Variants in PCDHA11 observed in about 807,000 individuals in gnomAD.
The protein encoded by PCDHA11 is protocadherin alpha 11, also known as protocadherin alpha-11.
In PCDHA11, 61 loss-of-function variants were observed where a neutral mutation model predicts 70.3. That is an observed-to-expected ratio of 0.87 (90% CI 0.71 to 1.07). PCDHA11 has a LOEUF of 1.07. PCDHA11 is among the 50% of genes least tolerant of loss of function. PCDHA11 has a pLI of 0.00. For missense variants in PCDHA11, 1,324 were observed against 1,237.5 expected (o/e 1.07, Z -1.05); for synonymous variants, 633 against 555.1 (o/e 1.14, Z -1.97).
chr5:140,952,813 G>A (rs1162015418), intron 1 of PCDHA11, among the ~76,000 whole-genome samples: 1 of 152,158 alleles, frequency 6.6e-6, no homozygotes, highest in African/African-American at 2.4e-5. Context: ...TCTGCAGGCT[G>A]TACAGGAAGC....
At chr5:140,898,864 A>C (rs1401711928) in intron 1 of PCDHA11, among the ~76,000 whole-genome samples, 3 of 149,656 alleles carry the variant, frequency 2.0e-5, no homozygotes, top group African/African-American at 7.5e-5. Flanking sequence ...CTTTTATTTC[A>C]TTGAGCAGTG....
At chr5:140,972,276 A>G (rs1471308188) in intron 1 of PCDHA11, among the ~76,000 whole-genome samples, 1 of 150,442 alleles carries the variant, frequency 6.6e-6, no homozygotes, top group Non-Finnish European at 1.5e-5. Flanking sequence ...AGTAGCTTGG[A>G]CCATAGATGT....
rs782477275 is a variant in PCDHA11, at chr5:140,870,572, C to T, written c.1469C>T (p.Ser490Phe). ...GACGCGCAGGAGAACGCGCTGGTGT[C>T]CTACTCGCTGGTGGAGCGGCGGTTG... ...DADAQENALV[S>F]YSLVERRLGD... The change falls in exon 1 of 4, where the codon TCC becomes TTC. Residue 490 changes from serine (S) to phenylalanine (F), a missense_variant. By Grantham distance (155) the Ser-to-Phe change is radical (BLOSUM62 -2). Coordinates refer to ENST00000398640, the MANE Select transcript of PCDHA11 (RefSeq NM_018902.5). 1 of 1,613,946 alleles carries T rather than the reference C, an allele frequency of 6.2e-7. No homozygotes were observed. Among genetic ancestry groups the T allele is most frequent in the Non-Finnish European group, 8.5e-7 (1 of 1,179,970 alleles).
intron 1 of PCDHA11, among the ~76,000 whole-genome samples, chr5:140,909,091 C>T: frequency 6.6e-6 from 1 of 152,220 alleles, no homozygotes; most frequent in Non-Finnish European, 1.5e-5. Flanking sequence ...TGCTACTTCT[C>T]ACTCACTGGG....
At chr5:140,875,254 T>A in intron 1 of PCDHA11, 1 of 1,054,680 alleles carries the variant, frequency 9.5e-7, no homozygotes, top group Non-Finnish European at 1.3e-6. Context: ...ATCAGTCACA[T>A]GATGTCGCTC....
chr5:140,985,508 A>G (rs2097155357), intron 3 of PCDHA11, among the ~76,000 whole-genome samples: 1 of 152,160 alleles, frequency 6.6e-6, no homozygotes, highest in Admixed American at 6.5e-5. Context: ...CCTTTCATTG[A>G]TTCTGTTGCC....
intron 3 of PCDHA11, among the ~76,000 whole-genome samples, chr5:141,000,648 G>A (rs559996046): frequency 8.9e-4 from 134 of 150,894 alleles, no homozygotes; most frequent in African/African-American, 2.6e-3. Flanking sequence ...GGCTGGTCTC[G>A]AACTCCTGAC....
intron 3 of PCDHA11, among the ~76,000 whole-genome samples, chr5:140,994,538 A>G (rs1554254218): frequency 1.8e-5 from 2 of 111,930 alleles, no homozygotes; most frequent in African/African-American, 9.1e-5. Context: ...CCCCATCTCT[A>G]CAAAAAAAAT....
intron 1 of PCDHA11, chr5:140,928,138 A>G (rs1554205540): frequency 1.9e-6 from 3 of 1,614,190 alleles, no homozygotes; most frequent in South Asian, 1.1e-5. Context: ...AGTCCTGATC[A>G]CGGCCTCAGA....
At position 140,882,318 on chromosome 5, in the gene PCDHA11, G is replaced by A. The variant is rs534213144; in HGVS notation, c.2391+10824G>A. On this transcript the variant is annotated intron_variant, in intron 1 of 3. Transcript: ENST00000398640. ...CCAAGACCGCGGCAACTACTGCTCT[G>A]GCTTCTGATCCTCGCAGCCTGGGAG... 5 of 1,614,128 alleles carry A rather than the reference G, an allele frequency of 3.1e-6. No individual in the cohort carries two copies. In the African/African-American group the frequency reaches 6.7e-5, roughly 22 times the overall value.
chr5:140,896,406 C>CT (rs35238776), intron 1 of PCDHA11, among the ~76,000 whole-genome samples: 1 of 152,100 alleles, frequency 6.6e-6, no homozygotes, highest in Non-Finnish European at 1.5e-5. Flanking sequence ...TTATTTTTGA[C>CT]TTTTTAGTAA....
chr5:140,924,886 A>G (rs190850675), intron 1 of PCDHA11, among the ~76,000 whole-genome samples: 11 of 137,270 alleles, frequency 8.0e-5, no homozygotes, highest in Admixed American at 3.0e-4. Context: ...CAGAGCAAGA[A>G]CCTGTCTCAA....
At chr5:140,878,516 G>A (rs2057626740) in intron 1 of PCDHA11, among the ~76,000 whole-genome samples, 1 of 152,122 alleles carries the variant, frequency 6.6e-6, no homozygotes. Context: ...CAGTACAGTT[G>A]GTAACCAACT....
Position 140,871,073 on chromosome 5 carries a change from C to A in PCDHA11, c.1970C>A (p.Ala657Glu). The A allele has an allele frequency of 1.2e-6, 2 of 1,613,208 alleles. No individual in the cohort carries two copies. Among genetic ancestry groups the A allele is most frequent in the Non-Finnish European group, 8.5e-7 (1 of 1,179,852 alleles). The stretch of plus-strand genomic sequence containing the variant: ...CTGGTGAAGGATCACGGTGAGCCGG[C>A]GCTGACGGCCACGGCCACCGTGCTG... ...LVLVKDHGEP[A>E]LTATATVLVS... is the part of the protein sequence containing the mutation. Residue 657 changes from alanine (A) to glutamate (E), a missense_variant, in exon 1 of 4, where the codon GCG (alanine) becomes GAG (glutamate). Transcript: ENST00000398640.
chr5:140,926,742 C>G (rs1454782151), intron 1 of PCDHA11: 2 of 1,199,338 alleles, frequency 1.7e-6, no homozygotes, highest in East Asian at 5.8e-5. Context: ...GGAGGCGCAA[C>G]GTCGGCGGTC....
rs1413393487 is a variant in PCDHA11, at chr5:140,941,341, G to T, written c.2392-37608G>T. On this transcript the variant is annotated intron_variant, in intron 1 of 3. Coordinates refer to ENST00000398640, the MANE Select transcript of PCDHA11 (RefSeq NM_018902.5). ...TCTCTTTTTTTTTTTTTTTCAGATG[G>T]AGTCTTGCTCTGTTGCCTAGGCTGG... Among the ~76,000 whole-genome samples the T allele has an allele frequency of 2.5e-5, 3 of 119,500 alleles. No homozygotes were observed. The East Asian group carries it at 8.2e-4, about 33-fold the overall frequency. 78.4% of individuals were successfully genotyped at this position (119,500 alleles called of 152,430 possible).
chr5:140,899,541 T>C (rs1469690137), intron 1 of PCDHA11, among the ~76,000 whole-genome samples: 2 of 152,210 alleles, frequency 1.3e-5, no homozygotes, highest in South Asian at 2.1e-4. Context: ...CACTTGATCA[T>C]GGTGGATAAG....
intron 1 of PCDHA11, among the ~76,000 whole-genome samples, chr5:140,890,477 C>T (rs1255992157): frequency 2.0e-5 from 3 of 151,926 alleles, no homozygotes; most frequent in African/African-American, 7.3e-5. Flanking sequence ...ATTTTTTGTG[C>T]GTTATTTTTG....
At chr5:140,976,140 C>T (rs1276971902) in intron 1 of PCDHA11, among the ~76,000 whole-genome samples, 9 of 152,130 alleles carry the variant, frequency 5.9e-5, no homozygotes, top group African/African-American at 1.7e-4. Flanking sequence ...CTGGATGAAA[C>T]TCATGTACAT....
Sources: gnomAD v4.1 joint callset for allele counts (sites outside exome capture counted in the v4.1 genomes callset) on GRCh38, gnomAD v4.1.1 for gene constraint, MANE v1.5 for transcripts, NCBI Gene and HGNC (gene_info 2026-07-23, HGNC 2026-07-21) for gene names.